The following INPPL1 variants were observed in gnomAD, a reference collection of about 807,000 sequenced individuals.
INPPL1 encodes the protein inositol polyphosphate phosphatase like 1, also known as phosphatidylinositol 3,4,5-trisphosphate 5-phosphatase 2.
Under a neutral mutation model 139.3 loss-of-function variants are expected in INPPL1, and 91 were observed. The ratio of observed to expected loss-of-function variants is 0.65; its 90% CI spans 0.55 to 0.78. INPPL1 has a LOEUF of 0.78. INPPL1 is among the 30% of genes least tolerant of loss of function. The pLI is 0.00. For synonymous variants in INPPL1, 719 were observed against 686.6 expected (o/e 1.05, Z -0.74); for missense variants, 1,411 against 1,665.6 (o/e 0.85, Z 2.66).
chr11:72,238,575 C>A lies in INPPL1; in HGVS notation c.*222C>A. On this transcript the variant is annotated 3_prime_UTR_variant, in exon 28 of 28. Coordinates refer to ENST00000298229, the MANE Select transcript of INPPL1 (RefSeq NM_001567.4). ...GCCTTTTAGGCTCAGGACGGAAGGT[C>A]AGTTGCCATGGTTACCGAGGACCCT... 1 of 415,826 alleles carries A rather than the reference C, an allele frequency of 2.4e-6. No homozygotes were observed. The highest frequency in any genetic ancestry group is 4.2e-6 in the Non-Finnish European group (1 of 236,474). The allele number at this position is 415,826 out of a possible 1,614,324, so 25.8% of individuals were successfully genotyped here.
Position 72,230,005 on chromosome 11 carries a change from G to T in INPPL1, c.925G>T (p.Val309Leu), listed in dbSNP as rs373511105. The T allele has an allele frequency of 3.7e-6, 6 of 1,614,056 alleles. No individual in the cohort carries two copies. The African/African-American group carries it at 6.7e-5, about 18-fold the overall frequency. The change falls in exon 8 of 28, where the codon GTG becomes TTG. Residue 309 changes from valine (V) to leucine (L), a missense_variant. This residue lies in a region of INPPL1 where 504 missense variants were observed against 595.6 expected (regional missense o/e 0.85). Transcript: ENST00000298229. Reference sequence around the variant, plus strand: ...CACACGTAAGGCCAAGACCATCCCCGTGCAGGCCTTTGAGGTACATGGCAG... The same window carrying T: ...CACACGTAAGGCCAAGACCATCCCCTTGCAGGCCTTTGAGGTACATGGCAG... Reference protein sequence around the residue: ...PSTRKAKTIPVQAFEVKLDVT... With the variant: ...PSTRKAKTIPLQAFEVKLDVT...
Position 72,238,137 on chromosome 11 carries a change from C to T in INPPL1, c.3648C>T (p.Gly1216=). The T allele has an allele frequency of 6.3e-7, 1 of 1,589,182 alleles. No homozygotes were observed. The highest frequency in any genetic ancestry group is 8.6e-7 in the Non-Finnish European group (1 of 1,168,050). ...TCGGCTTGGAGCGCTATGAGGAGGG[C>T]CTGGTGCATAATGGCTGGGACGACC... ...RAIGLERYEE[G]LVHNGWDDLE... The change falls in exon 27 of 28, where the codon GGC becomes GGT. Residue 1216 remains glycine (G), a synonymous_variant. Transcript: ENST00000298229.
rs1425997080 is a variant in INPPL1, at chr11:72,229,161, T to A, written c.590T>A (p.Val197Glu). Residue 197 changes from valine to glutamate, a missense_variant, in exon 5 of 28, where the codon GTG becomes GAG. Physicochemically the swap from Val to Glu is moderately radical, Grantham distance 121. Transcript: ENST00000298229. ...KGSYGLDLEA[V>E]RGGASHLPHL... is the part of the protein sequence containing the mutation. Reference sequence around the variant, plus strand: ...AGCTATGGGCTGGACCTGGAAGCTGTGAGGGGTGGAGCCAGCCACCTGCCC... The same window carrying A: ...AGCTATGGGCTGGACCTGGAAGCTGAGAGGGGTGGAGCCAGCCACCTGCCC... 6.2e-6 allele frequency: 10 copies of A among 1,613,740 alleles called. No individual in the cohort carries two copies. Among genetic ancestry groups the A allele is most frequent in the Non-Finnish European group, 8.5e-6 (10 of 1,179,928 alleles).
rs1276761251 is a variant in INPPL1, at chr11:72,230,143, G to C, written c.962G>C (p.Gly321Ala). ...CAGGTGAAGCTAGATGTGACCCTGG[G>C]TGACCTGACCAAGATTGGGAAGTCA... ...AFEVKLDVTLGDLTKIGKSQK... is the reference protein window; with the variant it reads ...AFEVKLDVTLADLTKIGKSQK... The change falls in exon 9 of 28, where the codon GGT (glycine) becomes GCT (alanine). Residue 321 changes from glycine to alanine, a missense_variant. Around this residue, in one of 5 missense-constraint regions of INPPL1, gnomAD observed 504 missense variants for 595.6 expected, o/e 0.85. Transcript: ENST00000298229. 2 of 1,610,256 alleles carry C rather than the reference G, an allele frequency of 1.2e-6. No homozygotes were observed. Among genetic ancestry groups the C allele is most frequent in the South Asian group, 2.2e-5 (2 of 90,814 alleles).
In INPPL1 at chr11:72,231,128, G is replaced by A. The variant is rs896238433; in HGVS notation, c.1436G>A (p.Arg479His). The change falls in exon 12 of 28, where the codon CGC becomes CAC. Residue 479 changes from arginine to histidine, a missense_variant. Physicochemically the swap from Arg to His is conservative, Grantham distance 29. This residue lies in a region of INPPL1 where 363 missense variants were observed against 446.2 expected (regional missense o/e 0.81). Coordinates refer to ENST00000298229, the MANE Select transcript of INPPL1 (RefSeq NM_001567.4). Reference sequence around the variant, plus strand: ...ACCCAGGAGAACTCAGTGGGCGACCGCGAGTGGCTGGACCTACTGCGCGGG... The same window carrying A: ...ACCCAGGAGAACTCAGTGGGCGACCACGAGTGGCTGGACCTACTGCGCGGG... ...FGTQENSVGDREWLDLLRGGL... is the reference protein window; with the variant it reads ...FGTQENSVGDHEWLDLLRGGL... 27 of 1,613,664 alleles carry A rather than the reference G, an allele frequency of 1.7e-5. No individual in the cohort carries two copies. The highest frequency in any genetic ancestry group is 2.2e-5 in the East Asian group (1 of 44,890).
intron 18 of INPPL1, 43 bp from the exon 19 acceptor site, chr11:72,233,612 G>A (rs772743749): frequency 1.2e-6 from 2 of 1,608,058 alleles, no homozygotes; most frequent in East Asian, 2.2e-5. Flanking sequence ...GCCGAGGGTG[G>A]GAATATTCCC....
chr11:72,230,519 T>C (rs1565388464), intron 10 of INPPL1, 51 bp downstream of exon 10: 1 of 1,513,810 alleles, frequency 6.6e-7, no homozygotes, highest in South Asian at 1.1e-5. Flanking sequence ...GTCCCCCACA[T>C]GGGTGCTTCC....
Position 72,234,230 on chromosome 11 carries a change from C to G in INPPL1, c.2213-51C>G, listed in dbSNP as rs1948916987. 7.2e-7 allele frequency: 1 copy of G among 1,384,828 alleles called. No homozygotes were observed. The highest frequency in any genetic ancestry group is 1.0e-6 in the Non-Finnish European group (1 of 972,390). The allele number at this position is 1,384,828 out of a possible 1,614,324, so 85.8% of individuals were successfully genotyped here. ...AGGGCCCTGTTTCTCTGTCCCATTC[C>G]TCCTGTGATCCTCTCAGTCCTCCTG... On this transcript the variant is annotated intron_variant, in intron 19 of 27. Transcript: ENST00000298229. This position sits in a 1 kb window ranked among gnomAD's most constrained non-coding sequence, Gnocchi z 4.2.
chr11:72,224,482 A>G (rs1948608480), upstream of INPPL1, among the ~76,000 whole-genome samples: 2 of 149,622 alleles, frequency 1.3e-5, no homozygotes, highest in African/African-American at 5.0e-5. Flanking sequence ...AGAAGCGCTG[A>G]ATTCTCCAGG....
intron 13 of INPPL1, among the ~76,000 whole-genome samples, 163 bp from the exon 14 acceptor site, chr11:72,232,077 C>G (rs1040913360): frequency 4.6e-5 from 7 of 152,184 alleles, no homozygotes; most frequent in African/African-American, 9.7e-5. Flanking sequence ...AGGACCCCCC[C>G]CTCCCCCAGG....
intron 8 of INPPL1, 45 bp downstream of exon 8, chr11:72,230,064 G>T: frequency 6.2e-7 from 1 of 1,614,008 alleles, no homozygotes; most frequent in South Asian, 1.1e-5. Flanking sequence ...GGTTGGAGGT[G>T]ACCAGGGTGC....
In INPPL1 at chr11:72,229,749, G is replaced by C; in HGVS notation, c.840G>C (p.Lys280Asn). 1 of 1,613,660 alleles carries C rather than the reference G, an allele frequency of 6.2e-7. No individual in the cohort carries two copies. Among genetic ancestry groups the C allele is most frequent in the East Asian group, 2.2e-5 (1 of 44,882 alleles). Residue 280 changes from lysine to asparagine, a missense_variant, in exon 7 of 28, where the codon AAG becomes AAC. Around this residue, in one of 5 missense-constraint regions of INPPL1, gnomAD observed 504 missense variants for 595.6 expected, o/e 0.85. Coordinates refer to ENST00000298229, the MANE Select transcript of INPPL1 (RefSeq NM_001567.4). ...AGGACTTCCTGTCAGGCATCCAGAA[G>C]AAGGTGGCATGATCTCTGACCCTTG... ...VLKDFLSGIQ[K>N]KALKALQDMS... is the part of the protein sequence containing the mutation.
Position 72,229,205 on chromosome 11 carries a change from G to A in INPPL1, c.634G>A (p.Ala212Thr), listed in dbSNP as rs17847214. The change falls in exon 5 of 28, where the codon GCT becomes ACT. Residue 212 changes from alanine to threonine, a missense_variant. This residue lies in a region of INPPL1 where 504 missense variants were observed against 595.6 expected (regional missense o/e 0.85). Coordinates refer to ENST00000298229, the MANE Select transcript of INPPL1 (RefSeq NM_001567.4). ...CCTGCCCCACCTCACCCGTACCCTC[G>A]CTACCTCATGCCGGAGGCTGCACAG... ...SHLPHLTRTL[A>T]TSCRRLHSEV... 1.6e-4 allele frequency: 257 copies of A among 1,611,776 alleles called. 1 individual carries two copies. In the East Asian group the frequency reaches 5.1e-3, roughly 32 times the overall value.
chr11:72,224,911 G>C lies in INPPL1; in HGVS notation c.-74G>C, dbSNP rs368831164. The C allele has an allele frequency of 9.2e-3, 9,090 of 991,432 alleles. 72 individuals carry two copies. The highest frequency in any genetic ancestry group is 0.066 in the East Asian group (700 of 10,678). The allele number at this position is 991,432 out of a possible 1,614,324, so 61.4% of individuals were successfully genotyped here. A position where few individuals can be genotyped will look rare whatever the true frequency, so the allele number is the denominator to read the frequency against. ...AGCCCGGGCCCCGGGCCCGGCCCCAGCCTCAGCCCTGAGCGTCTCGGGGCG... is the reference window on the plus strand; with the variant it reads ...AGCCCGGGCCCCGGGCCCGGCCCCACCCTCAGCCCTGAGCGTCTCGGGGCG... On this transcript the variant is annotated 5_prime_UTR_variant, in exon 1 of 28. Transcript: ENST00000298229.
chr11:72,234,732 A>AGAGTGTGTGTGT lies in INPPL1; in HGVS notation c.2415+118_2415+119insAGTGTGTGTGTG, dbSNP rs746371096. 1.3e-3 allele frequency: 695 copies of AGAGTGTGTGTGT among 528,438 alleles called. 3 individuals carry two copies. Among genetic ancestry groups the AGAGTGTGTGTGT allele is most frequent in the African/African-American group, 0.013 (608 of 48,556 alleles). The allele number at this position is 528,438 out of a possible 1,614,324, so 32.7% of individuals were successfully genotyped here. On this transcript the variant is annotated intron_variant, in intron 21 of 27. Transcript: ENST00000298229. This position sits in a 1 kb window ranked among gnomAD's most constrained non-coding sequence, Gnocchi z 4.2. ...GGGGCCAGCAGAGAGAGAGAGAGAG[A>AGAGTGTGTGTGT]GTGTGTGTGTGTGTGTGTGTGTGTG...
chr11:72,226,822 G>A (rs936976966), intron 1 of INPPL1, among the ~76,000 whole-genome samples: 5 of 152,166 alleles, frequency 3.3e-5, no homozygotes, highest in Admixed American at 1.3e-4. Flanking sequence ...GGCAGGTGCT[G>A]GGTCAGCTGT....
chr11:72,230,791 C>T lies in INPPL1; in HGVS notation c.1198-5C>T, dbSNP rs200377021. 3.0e-5 allele frequency: 48 copies of T among 1,613,184 alleles called. No homozygotes were observed. The highest frequency in any genetic ancestry group is 3.9e-5 in the Non-Finnish European group (46 of 1,179,498). ...CCCGCCCCTGAGTGGCTGCTGTTCC[C>T]CCAGAAGCGGGAGGCCTTCTGCCAG... On this transcript the variant is annotated splice_polypyrimidine_tract_variant and splice_region_variant and intron_variant, in intron 10 of 27. Coordinates refer to ENST00000298229, the MANE Select transcript of INPPL1 (RefSeq NM_001567.4).
intron 13 of INPPL1, 34 bp from the exon 14 acceptor site, chr11:72,232,206 G>T (rs748544044): frequency 6.6e-7 from 1 of 1,506,844 alleles, no homozygotes; most frequent in South Asian, 1.2e-5. Flanking sequence ...CTCTGAGGAT[G>T]ACCCAGGCCT....
At chr11:72,226,647 G>A (rs2135417861) in intron 1 of INPPL1, among the ~76,000 whole-genome samples, 1 of 152,296 alleles carries the variant, frequency 6.6e-6, no homozygotes, top group Middle Eastern at 3.4e-3. Flanking sequence ...TCTAGCCTAG[G>A]CAATTGACCC....
Sources: gnomAD v4.1 joint callset for allele counts (sites outside exome capture counted in the v4.1 genomes callset) on GRCh38, gnomAD v4.1.1 for gene constraint, gnomAD v4.1.1 regional missense constraint, Gnocchi (gnomAD v3.1) non-coding constraint, MANE v1.5 for transcripts, NCBI Gene and HGNC (gene_info 2026-07-23, HGNC 2026-07-21) for gene names.